Variants in SLCO1C1 observed in about 807,000 individuals in gnomAD.
SLCO1C1 encodes solute carrier organic anion transporter family member 1C1.
SLCO1C1 carries 70 observed loss-of-function variants against 76.4 expected under a neutral mutation model. The observed-to-expected ratio is 0.92, with a 90% CI of 0.76 to 1.12. The LOEUF (loss-of-function observed/expected upper bound fraction) is 1.12, where lower values mean the gene tolerates loss of function less well. Among genes scored for constraint, SLCO1C1 ranks in the 50% most tolerant of loss-of-function variants. The probability of loss-of-function intolerance (pLI) is 0.00; values close to 1 mark genes in which losing one functional copy is unlikely to be tolerated. For missense variants in SLCO1C1, 912 were observed against 823.8 expected (o/e 1.11, Z -1.31); for synonymous variants, 306 against 286.1 (o/e 1.07, Z -0.70).
intron 5 of SLCO1C1, among the ~76,000 whole-genome samples, chr12:20,714,706 T>G (rs1371074055): frequency 6.6e-6 from 1 of 152,188 alleles, no homozygotes; most frequent in Non-Finnish European, 1.5e-5. Context: ...TTACTTATGA[T>G]TTCTGCTGAA....
chr12:20,729,417 C>T (rs563513399), intron 9 of SLCO1C1, among the ~76,000 whole-genome samples: 1 of 152,172 alleles, frequency 6.6e-6, no homozygotes, highest in East Asian at 1.9e-4. Flanking sequence ...ACTGAAAGAA[C>T]ATGGGATTCA....
intron 1 of SLCO1C1, among the ~76,000 whole-genome samples, chr12:20,696,041 A>C (rs1356322454): frequency 6.6e-6 from 1 of 152,112 alleles, no homozygotes; most frequent in African/African-American, 2.4e-5. Flanking sequence ...TTAGCTTTTG[A>C]CAAGTCACTT....
intron 4 of SLCO1C1, among the ~76,000 whole-genome samples, chr12:20,706,760 C>A (rs1426151232): frequency 6.6e-6 from 1 of 152,056 alleles, no homozygotes; most frequent in South Asian, 2.1e-4. Context: ...ATTTAGGTGT[C>A]TTGTAATTAT....
At chr12:20,719,344 A>T (rs1947538893) in intron 7 of SLCO1C1, among the ~76,000 whole-genome samples, 1 of 152,134 alleles carries the variant, frequency 6.6e-6, no homozygotes, top group African/African-American at 2.4e-5. Context: ...TAGGCCAATT[A>T]GTAACCCTAC....
intron 4 of SLCO1C1, 69 bp downstream of exon 4, chr12:20,706,150 A>G (rs1158776387): frequency 6.7e-7 from 1 of 1,502,650 alleles, no homozygotes; most frequent in East Asian, 2.4e-5. Flanking sequence ...TATGATGATT[A>G]TTAATTATGC....
intron 14 of SLCO1C1, among the ~76,000 whole-genome samples, chr12:20,751,511 G>C (rs974910172): frequency 6.6e-6 from 1 of 152,180 alleles, no homozygotes; most frequent in African/African-American, 2.4e-5. Context: ...ATCTAAGTTG[G>C]ATGTGAATTG....
chr12:20,722,152 A>G (rs1326311972), intron 8 of SLCO1C1, 103 bp downstream of exon 8: 1 of 1,419,768 alleles, frequency 7.0e-7, no homozygotes, highest in Admixed American at 2.6e-5. Flanking sequence ...TAAAAAGTTG[A>G]GAAACCATAT....
intron 13 of SLCO1C1, 47 bp downstream of exon 13, chr12:20,743,416 T>G (rs760387180): frequency 1.4e-6 from 2 of 1,433,750 alleles, no homozygotes; most frequent in South Asian, 2.4e-5. Flanking sequence ...CGTAAGTGTA[T>G]TTTGAAGACT....
At chr12:20,704,435 G>A (rs1228974960) in intron 3 of SLCO1C1, among the ~76,000 whole-genome samples, 1 of 151,688 alleles carries the variant, frequency 6.6e-6, no homozygotes, top group Non-Finnish European at 1.5e-5. Context: ...TTCGTTTATT[G>A]TGGTACATTA....
chr12:20,706,783 T>C (rs1946799915), intron 4 of SLCO1C1, among the ~76,000 whole-genome samples: 1 of 152,156 alleles, frequency 6.6e-6, no homozygotes, highest in African/African-American at 2.4e-5. Flanking sequence ...AATCAGAACC[T>C]AAAACAGGTC....
chr12:20,742,335 T>TG (rs1341876919), intron 12 of SLCO1C1, among the ~76,000 whole-genome samples: 6 of 128,776 alleles, frequency 4.7e-5, no homozygotes, highest in Non-Finnish European at 9.6e-5. Context: ...AAAGTCATGT[T>TG]TTTTTTTTTT....
chr12:20,713,035 G>A (rs981275731), intron 5 of SLCO1C1, among the ~76,000 whole-genome samples: 1 of 152,006 alleles, frequency 6.6e-6, no homozygotes, highest in East Asian at 1.9e-4. Context: ...CTGACTGAAT[G>A]GCTTGTAGTT....
At chr12:20,743,701 ATAAG>A (rs887063123) in intron 13 of SLCO1C1, among the ~76,000 whole-genome samples, 71 of 145,090 alleles carry the variant, frequency 4.9e-4, no homozygotes, top group African/African-American at 1.5e-3. Context: ...TCAGAAATTA[ATAAG>A]TAAGAAAGGC....
intron 7 of SLCO1C1, among the ~76,000 whole-genome samples, chr12:20,717,648 CT>C (rs534946900): frequency 6.7e-3 from 281 of 42,236 alleles, no homozygotes; most frequent in Non-Finnish European, 0.01. Context: ...AACAGCCCTT[CT>C]TTTTTTTTTT....
At chr12:20,700,996 T>C (rs1397305940) in intron 2 of SLCO1C1, among the ~76,000 whole-genome samples, 1 of 152,048 alleles carries the variant, frequency 6.6e-6, no homozygotes, top group Non-Finnish European at 1.5e-5. Flanking sequence ...TGTCTCACCA[T>C]ACACTGACTC....
At chr12:20,749,445 G>A (rs546086825) in intron 13 of SLCO1C1, among the ~76,000 whole-genome samples, 1 of 152,160 alleles carries the variant, frequency 6.6e-6, no homozygotes, top group South Asian at 2.1e-4. Flanking sequence ...CAGACAACAT[G>A]GTTCTTAAGA....
In SLCO1C1 at chr12:20,725,280, ATAT is replaced by A. The variant is rs570181250; in HGVS notation, c.1186+2030_1186+2032del. 3.6e-3 allele frequency among the ~76,000 whole-genome samples: 518 copies of A among 142,046 alleles called. 4 individuals are homozygous for A. Among genetic ancestry groups the A allele is most frequent in the African/African-American group, 0.012 (457 of 39,132 alleles). 93.2% of individuals were successfully genotyped at this position (142,046 alleles called of 152,430 possible). ...ATTTTAATATGTATTAATATAATAT[ATAT>A]TATATTATTTATAATATATTATAGC... On this transcript the variant is annotated intron_variant, in intron 9 of 14. Transcript: ENST00000266509.
intron 13 of SLCO1C1, among the ~76,000 whole-genome samples, chr12:20,747,610 AT>A (rs34037236): frequency 0.44 from 66,192 of 151,870 alleles, 17,160 homozygotes; most frequent in South Asian, 0.63. Context: ...AAACATTTGA[AT>A]TTTTTTGGCT....
At chr12:20,736,356 G>A (rs1246277682) in intron 10 of SLCO1C1, among the ~76,000 whole-genome samples, 1 of 150,432 alleles carries the variant, frequency 6.6e-6, no homozygotes, top group Non-Finnish European at 1.5e-5. Flanking sequence ...TGCAAATTTT[G>A]TCTCATTAAT....
Sources: allele counts gnomAD v4.1 joint callset (sites outside exome capture counted in the v4.1 genomes callset), GRCh38; gene constraint gnomAD v4.1.1; transcripts MANE v1.5; gene names NCBI Gene and HGNC (gene_info 2026-07-23, HGNC 2026-07-21).